The following COL27A1 variants were observed in gnomAD, a reference collection of about 807,000 sequenced individuals.
The protein encoded by COL27A1 is collagen type XXVII alpha 1 chain.
In COL27A1, 106 loss-of-function variants were observed where a neutral mutation model predicts 251.3. The ratio of observed to expected loss-of-function variants is 0.42; its 90% CI spans 0.36 to 0.50. COL27A1 has a LOEUF of 0.50. COL27A1 is among the 20% of genes least tolerant of loss of function. The probability of loss-of-function intolerance (pLI) is 0.00; values close to 1 mark genes in which losing one functional copy is unlikely to be tolerated. For synonymous variants in COL27A1, 1,000 were observed against 986.3 expected, an observed-to-expected ratio of 1.01 and a Z score of -0.26; for missense variants, 2,325 against 2,522.8, an observed-to-expected ratio of 0.92 and a Z score of 1.68.
At chr9:114,227,380 C>A (rs1413004412) in intron 14 of COL27A1, among the ~76,000 whole-genome samples, 1 of 145,506 alleles carries the variant, frequency 6.9e-6, no homozygotes, top group Non-Finnish European at 1.5e-5. Context: ...GTCAGACAGA[C>A]AGACAGATGG....
chr9:114,246,173 G>A (rs1031176510), intron 24 of COL27A1: 1 of 421,388 alleles, frequency 2.4e-6, no homozygotes, highest in Non-Finnish European at 4.2e-6. Flanking sequence ...TGGTGCATTT[G>A]CCCAAAGAGG....
intron 1 of COL27A1, among the ~76,000 whole-genome samples, chr9:114,158,656 C>T (rs1848288012): frequency 6.6e-6 from 1 of 152,182 alleles, no homozygotes; most frequent in Non-Finnish European, 1.5e-5. Context: ...CAGGCACTAA[C>T]CATGATTAGC....
chr9:114,228,608 C>G (rs1260225258), intron 14 of COL27A1, among the ~76,000 whole-genome samples: 1 of 152,228 alleles, frequency 6.6e-6, no homozygotes, highest in Non-Finnish European at 1.5e-5. Context: ...CGCTGGAGCC[C>G]TAACCTCTCA....
At chr9:114,269,670 C>T (rs111462696) in intron 35 of COL27A1, among the ~76,000 whole-genome samples, 3,389 of 149,866 alleles carry the variant, frequency 0.023, 56 homozygotes, top group South Asian at 0.038. Context: ...AGTCGAGTCT[C>T]GGCAGTAAAG....
At chr9:114,285,713 A>T (rs1359737543) in intron 41 of COL27A1, among the ~76,000 whole-genome samples, 2 of 152,220 alleles carry the variant, frequency 1.3e-5, no homozygotes, top group African/African-American at 4.8e-5. Context: ...AGGAAGCCAC[A>T]GAAGGTGCCA....
intron 35 of COL27A1, among the ~76,000 whole-genome samples, chr9:114,269,614 CA>C (rs552967033): frequency 7.4e-4 from 51 of 69,220 alleles, no homozygotes; most frequent in South Asian, 5.4e-3. Flanking sequence ...GACTCCATCT[CA>C]AAAAAAAAAA....
At position 114,306,606 on chromosome 9, in the gene COL27A1, C is replaced by G; in HGVS notation, c.5025C>G (p.Ser1675Arg). 6.2e-7 allele frequency: 1 copy of G among 1,614,126 alleles called. No homozygotes were observed. The highest frequency in any genetic ancestry group is 1.1e-5 in the South Asian group (1 of 91,076). Reference sequence around the variant, plus strand: ...ACTACCTCAGCAACCTCATCCAGAGCATTAAGACGCCCCTGGGCACCAAAG... The same window carrying G: ...ACTACCTCAGCAACCTCATCCAGAGGATTAAGACGCCCCTGGGCACCAAAG... ...TLHYLSNLIQ[S>R]IKTPLGTKEN... The change falls in exon 58 of 61, where the codon AGC becomes AGG. Residue 1675 changes from serine (S) to arginine (R), a missense_variant. Ser to Arg is a moderately radical substitution (Grantham distance 110). Coordinates refer to ENST00000356083, the MANE Select transcript of COL27A1 (RefSeq NM_032888.4).
chr9:114,168,147 C>T lies in COL27A1; in HGVS notation c.592C>T (p.Leu198Phe). 1 of 1,613,444 alleles carries T rather than the reference C, an allele frequency of 6.2e-7. No homozygotes were observed. The highest frequency in any genetic ancestry group is 8.5e-7 in the Non-Finnish European group (1 of 1,180,036). ...TGCACTCGACCCTGGGGGCTCCTTCCTCTTTGGGAAGATGAACCCGCATGC... is the reference window on the plus strand; with the variant it reads ...TGCACTCGACCCTGGGGGCTCCTTCTTCTTTGGGAAGATGAACCCGCATGC... ...DPALDPGGSF[L>F]FGKMNPHAVQ... is the part of the protein sequence containing the mutation. Residue 198 changes from leucine (L) to phenylalanine (F), a missense_variant, in exon 3 of 61, where the codon CTC (leucine) becomes TTC (phenylalanine). Leu to Phe is a conservative substitution (Grantham distance 22). Around this residue, in one of 4 missense-constraint regions of COL27A1, gnomAD observed 1,183 missense variants for 1,144.1 expected, o/e 1.03. Coordinates refer to ENST00000356083, the MANE Select transcript of COL27A1 (RefSeq NM_032888.4).
intron 27 of COL27A1, 24 bp downstream of exon 27, chr9:114,252,956 T>A: frequency 6.2e-7 from 1 of 1,601,404 alleles, no homozygotes; most frequent in Non-Finnish European, 8.5e-7. Context: ...TCGTGATCCC[T>A]AAGCTCAAAC....
intron 57 of COL27A1, 167 bp from the exon 58 acceptor site, chr9:114,306,352 TG>T: frequency 1.6e-6 from 1 of 627,302 alleles, no homozygotes; most frequent in Non-Finnish European, 2.7e-6. Context: ...ACTTTGTCCC[TG>T]GCCCGTTTTC....
At chr9:114,270,631 G>A in intron 35 of COL27A1, 97 bp from the exon 36 acceptor site, 1 of 945,776 alleles carries the variant, frequency 1.1e-6, no homozygotes, top group East Asian at 2.5e-5. Context: ...AGATCCATGG[G>A]TCAGGGTCCT....
intron 3 of COL27A1, among the ~76,000 whole-genome samples, chr9:114,175,439 G>A (rs1163126402): frequency 1.3e-5 from 2 of 152,246 alleles, no homozygotes; most frequent in African/African-American, 2.4e-5. Flanking sequence ...GGGGGCACCC[G>A]TGCTCGCCAC....
intron 42 of COL27A1, 40 bp from the exon 43 acceptor site, chr9:114,288,662 A>G: frequency 1.3e-6 from 2 of 1,596,300 alleles, no homozygotes; most frequent in Non-Finnish European, 1.7e-6. Context: ...CATCCTTGGC[A>G]CCTGGTGGCC....
At chr9:114,193,649 T>C (rs1341359584) in intron 5 of COL27A1, among the ~76,000 whole-genome samples, 1 of 152,128 alleles carries the variant, frequency 6.6e-6, no homozygotes, top group Non-Finnish European at 1.5e-5. Flanking sequence ...TTTGCCTCAC[T>C]AGATTGTAGA....
intron 28 of COL27A1, among the ~76,000 whole-genome samples, chr9:114,261,395 T>C (rs1346240065): frequency 6.6e-6 from 1 of 152,166 alleles, no homozygotes. Flanking sequence ...CCCAGGTTCA[T>C]TTAGGGAAGG....
chr9:114,236,696 G>C (rs1249717), intron 17 of COL27A1, among the ~76,000 whole-genome samples: 1 of 151,986 alleles, frequency 6.6e-6, no homozygotes, highest in African/African-American at 2.4e-5. Context: ...AGTTCCCCAG[G>C]AGTCAGAGGC....
In COL27A1 at chr9:114,235,604, A is replaced by G. The variant is rs749025021; in HGVS notation, c.2571A>G (p.Glu857=). Residue 857 remains glutamate, a synonymous_variant, in exon 17 of 61, where the codon GAA becomes GAG. Coordinates refer to ENST00000356083, the MANE Select transcript of COL27A1 (RefSeq NM_032888.4). ...CTTTGCTGGTGTGTACTTAGGGTGA[A>G]CAAGGGGTTCCAGGTGTGTCAGGAG... The part of the protein sequence containing the change: ...GEPGLKGDKG[E]QGVPGVSGDP... 11 of 1,613,634 alleles carry G rather than the reference A, an allele frequency of 6.8e-6. No homozygotes were observed. In the Admixed American group the frequency reaches 1.7e-4, roughly 24 times the overall value.
intron 49 of COL27A1, 131 bp downstream of exon 49, chr9:114,292,341 C>G: frequency 1.4e-6 from 1 of 724,684 alleles, no homozygotes; most frequent in South Asian, 1.7e-5. Flanking sequence ...CACCTCCTTG[C>G]TCTGTGACAA....
At chr9:114,173,700 G>A (rs538184621) in intron 3 of COL27A1, among the ~76,000 whole-genome samples, 30 of 152,142 alleles carry the variant, frequency 2.0e-4, no homozygotes, top group African/African-American at 6.5e-4. Context: ...AGTGAGATGC[G>A]GGGGTCGGGG....
Sources: gnomAD v4.1 joint callset for allele counts (sites outside exome capture counted in the v4.1 genomes callset) on GRCh38, gnomAD v4.1.1 for gene constraint, gnomAD v4.1.1 regional missense constraint, MANE v1.5 for transcripts, NCBI Gene and HGNC (gene_info 2026-07-23, HGNC 2026-07-21) for gene names.